The following PMM1 variants were observed in gnomAD, a reference collection of about 807,000 sequenced individuals.
The protein encoded by PMM1 is brain glucose-1,6-bisphosphatase.
Under a neutral mutation model 34.0 loss-of-function variants are expected in PMM1, and 25 were observed. The observed-to-expected ratio is 0.73, with a 90% confidence interval of 0.54 to 1.03. The LOEUF (loss-of-function observed/expected upper bound fraction) is 1.03. Ranked by LOEUF, PMM1 falls within the 50% of genes least tolerant of loss-of-function variation. The probability of loss-of-function intolerance (pLI) is 0.00; values close to 1 mark genes in which losing one functional copy is unlikely to be tolerated. For synonymous variants in PMM1, 134 were observed against 143.9 expected (o/e 0.93, Z 0.49); for missense variants, 321 against 350.1 (o/e 0.92, Z 0.66).
At chr22:41,578,711 G>C (rs1362825054) in intron 6 of PMM1, 95 bp downstream of exon 6, 5 of 1,020,764 alleles carry the variant, frequency 4.9e-6, no homozygotes, top group South Asian at 4.0e-5. Context: ...GGCTACTAAA[G>C]CTACTGGGGG....
chr22:41,584,047 A>G lies in PMM1; in HGVS notation c.386T>C (p.Ile129Thr), dbSNP rs1306092285. 7 of 1,613,112 alleles carry G rather than the reference A, an allele frequency of 4.3e-6. No homozygotes were observed. Among genetic ancestry groups the G allele is most frequent in the Non-Finnish European group, 5.9e-6 (7 of 1,179,240 alleles). The change falls in exon 5 of 8, where the codon ATC (isoleucine) becomes ACC (threonine). Residue 129 changes from isoleucine to threonine, a missense_variant. Coordinates refer to ENST00000216259, the MANE Select transcript of PMM1 (RefSeq NM_002676.3). ...GTTCAGCATGCCATTCCGGAACTCG[A>G]TGAAGGTTCCACTGGTGGTGAGGGA... ...LRLPKKRGTF[I>T]EFRNGMLNIS...
intron 6 of PMM1, 57 bp from the exon 7 acceptor site, chr22:41,577,980 A>G (rs540758055): frequency 1.5e-6 from 2 of 1,290,708 alleles, no homozygotes; most frequent in Admixed American, 1.7e-5. Context: ...CAAGGCTAAC[A>G]GAAGGGCTGC....
In PMM1 at chr22:41,578,877, T is replaced by C; in HGVS notation, c.479A>G (p.Glu160Gly). 1.9e-6 allele frequency: 3 copies of C among 1,613,944 alleles called. No individual in the cohort carries two copies. The highest frequency in any genetic ancestry group is 1.7e-6 in the Non-Finnish European group (2 of 1,179,922). The change falls in exon 6 of 8, where the codon GAG becomes GGG. Residue 160 changes from glutamate (E) to glycine (G), a missense_variant. Coordinates refer to ENST00000216259, the MANE Select transcript of PMM1 (RefSeq NM_002676.3). Reference protein sequence around the residue: ...RIEFSELDKKEKIREKFVEAL... With the variant: ...RIEFSELDKKGKIREKFVEAL... ...TTCCACGAACTTCTCCCGGATCTTC[T>C]CTTTCTGCAGAGGGGAGGGAGCGGA...
chr22:41,577,352 T>C lies in PMM1; in HGVS notation c.755A>G (p.Glu252Gly). ...SPQDTVQRCR[E>G]IFFPETAHEA ...ATGAGCTGTCTCTGGGAAGAAAATC[T>C]CCCGGCATCGCTGCACCGTGTCCTG... Residue 252 changes from glutamate (E) to glycine (G), a missense_variant, in exon 8 of 8, where the codon GAG becomes GGG. Physicochemically the swap from Glu to Gly is moderately conservative, Grantham distance 98. Transcript: ENST00000216259. The C allele has an allele frequency of 6.2e-7, 1 of 1,612,992 alleles. No individual in the cohort carries two copies. The highest frequency in any genetic ancestry group is 8.5e-7 in the Non-Finnish European group (1 of 1,180,024).
chr22:41,586,962 T>TAA (rs566062876), intron 1 of PMM1, among the ~76,000 whole-genome samples: 1,122 of 89,396 alleles, frequency 0.013, 18 homozygotes, highest in African/African-American at 0.045. Context: ...TACTAAAAAT[T>TAA]AAAAAAAAAA....
At chr22:41,589,226 A>G in intron 1 of PMM1, 1 of 780,606 alleles carries the variant, frequency 1.3e-6, no homozygotes, top group Non-Finnish European at 2.0e-6. Flanking sequence ...CCAGGCCTGC[A>G]AAGGTCGGGG....
At position 41,586,076 on chromosome 22, in the gene PMM1, C is replaced by A; in HGVS notation, c.205G>T (p.Val69Phe). The A allele has an allele frequency of 6.2e-7, 1 of 1,606,824 alleles. No individual in the cohort carries two copies. The highest frequency in any genetic ancestry group is 8.5e-7 in the Non-Finnish European group (1 of 1,176,692). The change falls in exon 2 of 8, where the codon GTC (valine) becomes TTC (phenylalanine). Residue 69 changes from valine to phenylalanine, a missense_variant and splice_region_variant. By Grantham distance (50) the Val-to-Phe change is conservative. Coordinates refer to ENST00000216259, the MANE Select transcript of PMM1 (RefSeq NM_002676.3). ...CCTCTACCCCCAGCCTCACTCCTAC[C>A]TTCATCCCCGTCACCCAGCTGCTCA... ...IAEQLGDGDE[V>F]IEKFDYVFAE...
chr22:41,579,005 T>C (rs1031275134), intron 5 of PMM1, 124 bp from the exon 6 acceptor site: 91 of 758,848 alleles, frequency 1.2e-4, no homozygotes, highest in Non-Finnish European at 1.9e-4. Context: ...ACTGTGCAGA[T>C]GCGCAAACTA....
chr22:41,586,885 A>G (rs1291862620), intron 1 of PMM1, among the ~76,000 whole-genome samples: 6 of 145,842 alleles, frequency 4.1e-5, no homozygotes, highest in African/African-American at 1.0e-4. Flanking sequence ...TGGGAGGCCC[A>G]GGAGGGTGGA....
At chr22:41,585,507 T>TTTATTTA (rs1569056923) in intron 2 of PMM1, 1 of 140,632 alleles carries the variant, frequency 7.1e-6, no homozygotes, top group Non-Finnish European at 1.5e-5. Flanking sequence ...TTATTTATTT[T>TTTATTTA]TGGATGTGTA....
At chr22:41,584,445 C>T in intron 3 of PMM1, 73 bp from the exon 4 acceptor site, 1 of 1,575,120 alleles carries the variant, frequency 6.3e-7, no homozygotes, top group Non-Finnish European at 8.7e-7. Context: ...TGTCTCTCCC[C>T]CAGCCCAGGA....
intron 1 of PMM1, among the ~76,000 whole-genome samples, chr22:41,587,701 C>G (rs906654214): frequency 6.6e-6 from 1 of 152,096 alleles, no homozygotes; most frequent in Non-Finnish European, 1.5e-5. Context: ...AATAGCCTCA[C>G]AAAACAATGC....
rs1261425284 is a variant in PMM1 at position 41,585,963 on chromosome 22, T to G, written c.205+113A>C. The G allele has an allele frequency of 2.0e-5, 16 of 787,334 alleles. No homozygotes were observed. In the East Asian group the frequency reaches 4.3e-4, roughly 21 times the overall value. 48.8% of individuals were successfully genotyped at this position (787,334 alleles called of 1,614,324 possible). On this transcript the variant is annotated intron_variant, in intron 2 of 7. Transcript: ENST00000216259. ...GTTTGTCAAATCAGTAAGGGAACTA[T>G]CTGGCTGCTCTCTCTCTATTTCTTC...
chr22:41,589,582 G>A, intron 1 of PMM1, 137 bp downstream of exon 1: 1 of 724,060 alleles, frequency 1.4e-6, no homozygotes, highest in East Asian at 2.7e-5. Context: ...GGCCCCGGAT[G>A]TCAGGGGGCC....
chr22:41,577,724 A>G (rs568604590), intron 7 of PMM1, 84 bp downstream of exon 7: 3 of 1,037,650 alleles, frequency 2.9e-6, no homozygotes, highest in Non-Finnish European at 4.5e-6. Flanking sequence ...CCTTGACCTC[A>G]GGTGATTTGC....
At chr22:41,582,489 C>A (rs1458545083) in intron 5 of PMM1, among the ~76,000 whole-genome samples, 1 of 152,054 alleles carries the variant, frequency 6.6e-6, no homozygotes, top group African/African-American at 2.4e-5. Flanking sequence ...AAAAAGTATG[C>A]CATGTGCCAA....
At chr22:41,584,878 C>T (rs2145625880) in intron 2 of PMM1, 1 of 411,044 alleles carries the variant, frequency 2.4e-6, no homozygotes, top group East Asian at 4.3e-5. Flanking sequence ...TGCCACTCAT[C>T]CTCCAAGATT....
intron 5 of PMM1, chr22:41,579,669 G>C (rs1380085422): frequency 1.3e-5 from 2 of 152,660 alleles, no homozygotes. Context: ...GGGGTGGCTG[G>C]TATGGCCCTG....
At chr22:41,587,863 G>C (rs974540769) in intron 1 of PMM1, among the ~76,000 whole-genome samples, 1 of 152,138 alleles carries the variant, frequency 6.6e-6, no homozygotes, top group Non-Finnish European at 1.5e-5. Context: ...TCTTTACCAG[G>C]AGAGTGTGCT....
Sources: gnomAD v4.1 joint callset for allele counts (sites outside exome capture counted in the v4.1 genomes callset) on GRCh38, gnomAD v4.1.1 for gene constraint, MANE v1.5 for transcripts, NCBI Gene and HGNC (gene_info 2026-07-23, HGNC 2026-07-21) for gene names.